CNTN1: variants seen among roughly 807,000 people sequenced by gnomAD.
CNTN1 encodes contactin-1.
A neutral mutation model predicts 126.4 loss-of-function variants in CNTN1; 38 were observed. The ratio of observed to expected loss-of-function variants is 0.30; its 90% CI spans 0.23 to 0.39. CNTN1 has a LOEUF of 0.39. Among genes scored for constraint, CNTN1 ranks in the 10% least tolerant of loss-of-function variants. The probability of loss-of-function intolerance (pLI) is 1.00; values close to 1 mark genes in which losing one functional copy is unlikely to be tolerated. For synonymous variants in CNTN1, 413 were observed against 422.6 expected, an observed-to-expected ratio of 0.98 and a Z score of 0.28; for missense variants, 1,009 against 1,248.4, an observed-to-expected ratio of 0.81 and a Z score of 2.89.
At chr12:40,862,552 T>A (rs1210768556) in intron 1 of CNTN1, among the ~76,000 whole-genome samples, 1 of 152,212 alleles carries the variant, frequency 6.6e-6, no homozygotes, top group Non-Finnish European at 1.5e-5. Context: ...AGGTCTCTGA[T>A]ACACTCAAGG....
At chr12:40,782,612 T>G (rs1002913074) in intron 1 of CNTN1, among the ~76,000 whole-genome samples, 3 of 151,974 alleles carry the variant, frequency 2.0e-5, no homozygotes, top group African/African-American at 7.2e-5. Context: ...ACAATTGGAA[T>G]GATGCATATT....
chr12:41,037,663 T>TACACACACAC (rs55890336), intron 23 of CNTN1, among the ~76,000 whole-genome samples: 116 of 144,500 alleles, frequency 8.0e-4, no homozygotes, highest in African/African-American at 1.8e-3. Context: ...GTGTGTTTAA[T>TACACACACAC]ACACACACAC....
intron 23 of CNTN1, among the ~76,000 whole-genome samples, chr12:41,048,482 T>C (rs1275618915): frequency 2.0e-5 from 3 of 152,174 alleles, no homozygotes; most frequent in Admixed American, 6.6e-5. Context: ...CCTGGCTGAA[T>C]GTTCTATGTT....
Position 40,906,258 on chromosome 12 carries a change from G to C in CNTN1, c.-76-2099G>C, listed in dbSNP as rs952227635. Among the ~76,000 whole-genome samples, 11 of 152,104 alleles carry C rather than the reference G, an allele frequency of 7.2e-5. 1 individual carries two copies. Among genetic ancestry groups the C allele is most frequent in the Admixed American group, 6.5e-5 (1 of 15,268 alleles). On this transcript the variant is annotated intron_variant, in intron 1 of 23. Coordinates refer to ENST00000551295, the MANE Select transcript of CNTN1 (RefSeq NM_001843.4). ...TGCACTCCAGACTGGGCGACAGAGA[G>C]AGACTACGTCTCAAAAGAAAAAAAA... is the stretch of plus-strand genomic sequence containing the variant.
intron 16 of CNTN1, among the ~76,000 whole-genome samples, chr12:40,992,149 A>AATT (rs1948109934): frequency 1.3e-5 from 2 of 152,182 alleles, no homozygotes; most frequent in Admixed American, 1.3e-4. Context: ...CAAAATAAGA[A>AATT]ATTAGATGGC....
chr12:40,798,870 T>A (rs1273383736), intron 1 of CNTN1, among the ~76,000 whole-genome samples: 1 of 151,968 alleles, frequency 6.6e-6, no homozygotes, highest in Non-Finnish European at 1.5e-5. Context: ...TTAACAAACC[T>A]CCACATGTAC....
At chr12:40,772,065 A>G (rs1467712599) in intron 1 of CNTN1, among the ~76,000 whole-genome samples, 1 of 152,140 alleles carries the variant, frequency 6.6e-6, no homozygotes, top group East Asian at 1.9e-4. Context: ...CTGGTTATCC[A>G]GATACTGGAA....
intron 23 of CNTN1, among the ~76,000 whole-genome samples, chr12:41,064,864 A>C (rs1343605509): frequency 6.6e-6 from 1 of 151,904 alleles, no homozygotes; most frequent in Non-Finnish European, 1.5e-5. Context: ...ATTTTTTTTT[A>C]ATTTTTTCAA....
chr12:40,846,295 C>A (rs1410762558), intron 1 of CNTN1, among the ~76,000 whole-genome samples: 1 of 152,042 alleles, frequency 6.6e-6, no homozygotes, highest in Non-Finnish European at 1.5e-5. Flanking sequence ...GGTGAAACCC[C>A]GTCTCTACTA....
chr12:40,987,644 T>G (rs1947990301), intron 16 of CNTN1, among the ~76,000 whole-genome samples: 2 of 152,244 alleles, frequency 1.3e-5, no homozygotes, highest in African/African-American at 4.8e-5. Context: ...AATTTCTGTG[T>G]TATGTAAGAC....
At position 40,953,837 on chromosome 12, in the gene CNTN1, G is replaced by A. The variant is rs139291613; in HGVS notation, c.1684-5277G>A. Among the ~76,000 whole-genome samples the A allele has an allele frequency of 9.0e-3, 1,362 of 152,094 alleles. 12 individuals carry two copies. The highest frequency in any genetic ancestry group is 0.015 in the Non-Finnish European group (1,046 of 67,972). On this transcript the variant is annotated intron_variant, in intron 14 of 23. Transcript: ENST00000551295. ...AATAAAATAAGTGAATGTATAAACA[G>A]CACCATGTTTCAAAGAGAGTTTAGG...
rs964141225 is a variant in CNTN1 at position 40,781,082 on chromosome 12, C to G, written c.-77+88490C>G. On this transcript the variant is annotated intron_variant, in intron 1 of 23. Coordinates refer to ENST00000551295, the MANE Select transcript of CNTN1 (RefSeq NM_001843.4). ...TGGGAACCAAATAGATGAAATAAAT[C>G]AGATGTGAAACAAATATAAGACCCT... 7.2e-5 allele frequency among the ~76,000 whole-genome samples: 11 copies of G among 151,932 alleles called. No individual in the cohort carries two copies. In the South Asian group the frequency reaches 1.0e-3, roughly 14 times the overall value.
At position 40,867,339 on chromosome 12, in the gene CNTN1, A is replaced by T. The variant is rs147310995; in HGVS notation, c.-76-41018A>T. On this transcript the variant is annotated intron_variant, in intron 1 of 23. Coordinates refer to ENST00000551295, the MANE Select transcript of CNTN1 (RefSeq NM_001843.4). ...AATATATCTACCATTAATAAAATGG[A>T]AGGCTGGATGACACACAATGATCAC... Among the ~76,000 whole-genome samples the T allele has an allele frequency of 2.5e-3, 386 of 152,278 alleles. 2 individuals carry two copies. Among genetic ancestry groups the T allele is most frequent in the African/African-American group, 8.9e-3 (369 of 41,560 alleles).
intron 1 of CNTN1, among the ~76,000 whole-genome samples, chr12:40,814,598 G>C (rs59612442): frequency 0.023 from 3,462 of 152,288 alleles, 127 homozygotes; most frequent in African/African-American, 0.078. Flanking sequence ...GGTTACTGTA[G>C]GCTTGTAGTA....
intron 20 of CNTN1, among the ~76,000 whole-genome samples, chr12:41,021,978 T>C (rs992588984): frequency 5.3e-5 from 8 of 151,996 alleles, no homozygotes; most frequent in African/African-American, 1.7e-4. Flanking sequence ...CTAATAAATA[T>C]TGAAAAAAGG....
intron 23 of CNTN1, among the ~76,000 whole-genome samples, chr12:41,046,451 G>A (rs999482447): frequency 1.3e-5 from 2 of 151,840 alleles, no homozygotes; most frequent in Non-Finnish European, 2.9e-5. Context: ...TCTGCTCCTA[G>A]ATCCTGTTAT....
chr12:41,027,737 C>G (rs1949063308), intron 21 of CNTN1, 120 bp from the exon 22 acceptor site: 6 of 727,850 alleles, frequency 8.2e-6, no homozygotes, highest in Non-Finnish European at 1.2e-5. Context: ...ATAGTAAACA[C>G]TTATTAAAAC....
At chr12:41,010,463 G>A (rs1451001522) in intron 17 of CNTN1, among the ~76,000 whole-genome samples, 1 of 152,182 alleles carries the variant, frequency 6.6e-6, no homozygotes, top group Non-Finnish European at 1.5e-5. Context: ...TAGTGCCTCT[G>A]TCCTTCTCTT....
chr12:40,876,418 T>C (rs1050347102), intron 1 of CNTN1, among the ~76,000 whole-genome samples: 2 of 152,102 alleles, frequency 1.3e-5, no homozygotes, highest in African/African-American at 4.8e-5. Flanking sequence ...TAGTGTTCCA[T>C]TTAAACCTCA....
Sources: allele counts gnomAD v4.1 joint callset (sites outside exome capture counted in the v4.1 genomes callset), GRCh38; gene constraint gnomAD v4.1.1; transcripts MANE v1.5; gene names NCBI Gene and HGNC (gene_info 2026-07-23, HGNC 2026-07-21).